The following RPH3A variants were observed in gnomAD, a reference collection of about 807,000 sequenced individuals.
RPH3A encodes rabphilin-3A.
In RPH3A, 48 loss-of-function variants were observed where a neutral mutation model predicts 102.2. The observed-to-expected ratio is 0.47, with a 90% CI of 0.37 to 0.60. The LOEUF is 0.60. Among genes scored for constraint, RPH3A ranks in the 20% least tolerant of loss-of-function variants. The pLI is 0.00. For missense variants in RPH3A, 781 were observed against 910.1 expected (o/e 0.86, Z 1.83); for synonymous variants, 310 against 324.3 (o/e 0.96, Z 0.47).
intron 4 of RPH3A, among the ~76,000 whole-genome samples, chr12:112,838,332 C>A (rs766218496): frequency 6.6e-6 from 1 of 152,234 alleles, no homozygotes; most frequent in Non-Finnish European, 1.5e-5. Flanking sequence ...ATTAACAGGA[C>A]CCCCAGGTCC....
chr12:112,871,285 C>A (rs1005248524), intron 10 of RPH3A, among the ~76,000 whole-genome samples: 1 of 152,224 alleles, frequency 6.6e-6, no homozygotes, highest in African/African-American at 2.4e-5. Flanking sequence ...AACCATGCCA[C>A]TATCCATCTG....
chr12:112,826,019 G>T (rs572024920), intron 2 of RPH3A, among the ~76,000 whole-genome samples: 2 of 152,298 alleles, frequency 1.3e-5, no homozygotes, highest in South Asian at 4.2e-4. Context: ...ATATGGTAGT[G>T]TGTTGCACCC....
intron 5 of RPH3A, among the ~76,000 whole-genome samples, chr12:112,854,958 T>A (rs2042386442): frequency 6.6e-6 from 1 of 152,262 alleles, no homozygotes; most frequent in South Asian, 2.1e-4. Context: ...TCGTTTCATA[T>A]GTTTCTTCAT....
chr12:112,892,621 G>A (rs762550883), intron 19 of RPH3A, among the ~76,000 whole-genome samples: 1 of 152,176 alleles, frequency 6.6e-6, no homozygotes, highest in South Asian at 2.1e-4. Context: ...AGAACATCAT[G>A]AATACAGAGC....
chr12:112,678,754 G>T (rs2040205171), intron 1 of RPH3A, among the ~76,000 whole-genome samples: 1 of 152,118 alleles, frequency 6.6e-6, no homozygotes, highest in Non-Finnish European at 1.5e-5. Context: ...GCTCAGAGGA[G>T]ATGGGGACGG....
chr12:112,645,815 G>A (rs2039925504), intron 1 of RPH3A, among the ~76,000 whole-genome samples: 1 of 152,164 alleles, frequency 6.6e-6, no homozygotes, highest in Admixed American at 6.5e-5. Context: ...AATGTGAGTG[G>A]CGTTTTGAAT....
At chr12:112,663,661 A>G (rs571031722) in intron 1 of RPH3A, among the ~76,000 whole-genome samples, 34 of 152,168 alleles carry the variant, frequency 2.2e-4, no homozygotes, top group African/African-American at 7.7e-4. Context: ...CTGGCCCCAT[A>G]AATTCTTATT....
chr12:112,693,316 C>A (rs148536777), intron 1 of RPH3A, among the ~76,000 whole-genome samples: 1 of 152,212 alleles, frequency 6.6e-6, no homozygotes, highest in Non-Finnish European at 1.5e-5. Context: ...GTCACTCTGG[C>A]TGGTGACATG....
At chr12:112,711,518 A>T (rs1021043469) in intron 1 of RPH3A, among the ~76,000 whole-genome samples, 1 of 152,214 alleles carries the variant, frequency 6.6e-6, no homozygotes, top group Non-Finnish European at 1.5e-5. Flanking sequence ...AGTGTGTTGC[A>T]TTACTTGGCA....
At chr12:112,879,069 C>A in intron 13 of RPH3A, 50 bp from the exon 14 acceptor site, 1 of 1,464,928 alleles carries the variant, frequency 6.8e-7, no homozygotes, top group Non-Finnish European at 9.6e-7. Context: ...GAAATGTTTG[C>A]TGAGTGACTG....
chr12:112,875,593 A>T, intron 11 of RPH3A, 86 bp from the exon 12 acceptor site: 1 of 1,198,714 alleles, frequency 8.3e-7, no homozygotes, highest in Non-Finnish European at 1.2e-6. Flanking sequence ...CTGTGTCCAC[A>T]CCTGTGAAAT....
chr12:112,798,741 C>G (rs191151057), intron 2 of RPH3A, among the ~76,000 whole-genome samples: 7 of 152,088 alleles, frequency 4.6e-5, no homozygotes, highest in Admixed American at 2.0e-4. Context: ...ATCTCTCCCC[C>G]TCTCTCTCCT....
intron 2 of RPH3A, among the ~76,000 whole-genome samples, chr12:112,813,675 T>C (rs554603383): frequency 5.3e-5 from 8 of 152,282 alleles, no homozygotes; most frequent in African/African-American, 1.9e-4. Flanking sequence ...TTGCCTGAGC[T>C]GGTACAGGAC....
chr12:112,666,582 C>CA (rs2040085050), intron 1 of RPH3A, among the ~76,000 whole-genome samples: 1 of 152,060 alleles, frequency 6.6e-6, no homozygotes. Flanking sequence ...GGCAGGAAGA[C>CA]TTTTTTTGTC....
At position 112,896,847 on chromosome 12, in the gene RPH3A, C is replaced by G; in HGVS notation, c.*67C>G. The G allele has an allele frequency of 6.3e-7, 1 of 1,579,580 alleles. No homozygotes were observed. Among genetic ancestry groups the G allele is most frequent in the Non-Finnish European group, 8.7e-7 (1 of 1,154,788 alleles). On this transcript the variant is annotated 3_prime_UTR_variant, in exon 22 of 22. Transcript: ENST00000389385. ...CAGCCTGCTCTAGCTGCCCACCGCACCCTGATCTCTCTTCTCTATGCCTAC... is the reference window on the plus strand; with the variant it reads ...CAGCCTGCTCTAGCTGCCCACCGCAGCCTGATCTCTCTTCTCTATGCCTAC...
intron 1 of RPH3A, among the ~76,000 whole-genome samples, chr12:112,763,434 A>G (rs1470449629): frequency 1.3e-5 from 2 of 152,240 alleles, no homozygotes; most frequent in Non-Finnish European, 2.9e-5. Flanking sequence ...CAATCGATAC[A>G]TGTGAGATGT....
At chr12:112,823,904 G>A (rs372695940) in intron 2 of RPH3A, among the ~76,000 whole-genome samples, 1 of 152,208 alleles carries the variant, frequency 6.6e-6, no homozygotes, top group South Asian at 2.1e-4. Context: ...CATCTTAGGA[G>A]AACATTTTAG....
chr12:112,688,506 T>G (rs761597944), intron 1 of RPH3A, among the ~76,000 whole-genome samples: 36 of 152,304 alleles, frequency 2.4e-4, no homozygotes, highest in Middle Eastern at 3.4e-3. Flanking sequence ...GTTCTTGTTC[T>G]TTAGTGTCCA....
chr12:112,635,399 T>C (rs2039840804), intron 1 of RPH3A, among the ~76,000 whole-genome samples: 1 of 152,210 alleles, frequency 6.6e-6, no homozygotes, highest in African/African-American at 2.4e-5. Flanking sequence ...TTTACTCTCT[T>C]TGCCTCAGTT....
Sources: allele counts gnomAD v4.1 joint callset (sites outside exome capture counted in the v4.1 genomes callset), GRCh38; gene constraint gnomAD v4.1.1; transcripts MANE v1.5; gene names NCBI Gene and HGNC (gene_info 2026-07-23, HGNC 2026-07-21).